The following KIAA1217 variants were observed in gnomAD, a reference collection of about 807,000 sequenced individuals.
KIAA1217 encodes KIAA1217, also known as sickle tail protein homolog.
A neutral mutation model predicts 163.9 loss-of-function variants in KIAA1217; 88 were observed. The ratio of observed to expected loss-of-function variants is 0.54; its 90% confidence interval spans 0.45 to 0.64. The LOEUF (loss-of-function observed/expected upper bound fraction) is 0.64, where lower values mean the gene tolerates loss of function less well. KIAA1217 is among the 30% of genes least tolerant of loss of function. The pLI is 0.00. For synonymous variants in KIAA1217, 903 were observed against 923.1 expected, an observed-to-expected ratio of 0.98 and a Z score of 0.39; for missense variants, 2,372 against 2,475.0, an observed-to-expected ratio of 0.96 and a Z score of 0.88.
chr10:23,992,966 T>C (rs1339592982), intron 1 of KIAA1217, among the ~76,000 whole-genome samples: 3 of 150,658 alleles, frequency 2.0e-5, no homozygotes, highest in Non-Finnish European at 4.4e-5. Context: ...TCTTTGCTTA[T>C]ATGTCATTTA....
At chr10:24,430,258 G>A (rs938824095) in intron 3 of KIAA1217, among the ~76,000 whole-genome samples, 2 of 149,246 alleles carry the variant, frequency 1.3e-5, no homozygotes, top group East Asian at 2.0e-4. Context: ...GCATTCGGTC[G>A]AGGGCATATC....
At chr10:24,009,411 T>C (rs558737167) in intron 2 of KIAA1217, among the ~76,000 whole-genome samples, 9 of 152,036 alleles carry the variant, frequency 5.9e-5, no homozygotes, top group Non-Finnish European at 1.0e-4. Flanking sequence ...AACTAGATAA[T>C]GTATTTGAAA....
At chr10:24,011,753 C>T (rs1262299552) in intron 2 of KIAA1217, among the ~76,000 whole-genome samples, 1 of 152,138 alleles carries the variant, frequency 6.6e-6, no homozygotes. Context: ...CAGTTCTGTT[C>T]TTCAGTAATT....
chr10:23,895,752 A>C (rs1339130452), intron 1 of KIAA1217, among the ~76,000 whole-genome samples: 1 of 152,014 alleles, frequency 6.6e-6, no homozygotes, highest in African/African-American at 2.4e-5. Flanking sequence ...CAAATGTCCA[A>C]CAATGATAGA....
intron 2 of KIAA1217, among the ~76,000 whole-genome samples, chr10:24,171,960 C>G (rs965926515): frequency 6.6e-6 from 1 of 152,142 alleles, no homozygotes; most frequent in African/African-American, 2.4e-5. Context: ...TTCATCCTCA[C>G]AACATCCTCT....
At position 23,993,413 on chromosome 10, in the gene KIAA1217, T is replaced by G. The variant is rs538734428; in HGVS notation, c.-320-13812T>G. Among the ~76,000 whole-genome samples, 50 of 152,190 alleles carry G rather than the reference T, an allele frequency of 3.3e-4. No homozygotes were observed. In the South Asian group the frequency reaches 9.6e-3, roughly 29 times the overall value. ...GACTTTCATGGTCTTCTCTCCTCTC[T>G]TGTTCTAGGCTATTGCTTAGTCCCC... On this transcript the variant is annotated intron_variant, in intron 1 of 18. Transcript: ENST00000376462.
At chr10:24,110,609 A>G (rs546966419) in intron 2 of KIAA1217, among the ~76,000 whole-genome samples, 38 of 152,260 alleles carry the variant, frequency 2.5e-4, no homozygotes, top group Non-Finnish European at 4.7e-4. Context: ...TTAAAAAAAA[A>G]AAAAAAAACT....
At chr10:23,790,579 G>GTACATATGTATATATACATA (rs1564424417) in intron 1 of KIAA1217, among the ~76,000 whole-genome samples, 1 of 112,236 alleles carries the variant, frequency 8.9e-6, no homozygotes, top group African/African-American at 4.5e-5. Flanking sequence ...ATATACATAT[G>GTACATATGTATATATACATA]TATATGTACA....
At chr10:24,172,492 T>C (rs1306914616) in intron 2 of KIAA1217, among the ~76,000 whole-genome samples, 2 of 152,152 alleles carry the variant, frequency 1.3e-5, no homozygotes, top group Admixed American at 1.3e-4. Context: ...CCTAGCTGAG[T>C]TACCTTAGAA....
At chr10:23,896,357 G>A (rs767898474) in intron 1 of KIAA1217, among the ~76,000 whole-genome samples, 5 of 151,926 alleles carry the variant, frequency 3.3e-5, no homozygotes, top group East Asian at 1.9e-4. Context: ...TGGCATTCAC[G>A]CATCACACGC....
chr10:24,160,309 G>A (rs2065063578), intron 2 of KIAA1217, among the ~76,000 whole-genome samples: 1 of 151,608 alleles, frequency 6.6e-6, no homozygotes. Context: ...ATCAATTTAG[G>A]CAAAAATGAT....
At chr10:24,062,537 A>G (rs1164099379) in intron 2 of KIAA1217, among the ~76,000 whole-genome samples, 2 of 150,940 alleles carry the variant, frequency 1.3e-5, no homozygotes, top group Non-Finnish European at 2.9e-5. Context: ...CCAGTCTATC[A>G]TTGTTGGACA....
chr10:24,127,888 T>G (rs758183339), intron 2 of KIAA1217, among the ~76,000 whole-genome samples: 10 of 152,210 alleles, frequency 6.6e-5, no homozygotes, highest in Non-Finnish European at 1.0e-4. Flanking sequence ...AAATTCTCTT[T>G]GGAAGCAACA....
intron 2 of KIAA1217, among the ~76,000 whole-genome samples, chr10:24,015,884 G>T (rs1383990582): frequency 6.6e-6 from 1 of 151,884 alleles, no homozygotes; most frequent in Non-Finnish European, 1.5e-5. Flanking sequence ...ACTGGGATGT[G>T]CCCTCTTCCT....
intron 2 of KIAA1217, among the ~76,000 whole-genome samples, chr10:24,180,414 G>A (rs2066119840): frequency 6.6e-6 from 1 of 151,102 alleles, no homozygotes; most frequent in East Asian, 2.0e-4. Context: ...AGCCTCCTGA[G>A]TATCTGGGAT....
At chr10:23,962,047 G>A (rs1844840289) in intron 1 of KIAA1217, among the ~76,000 whole-genome samples, 1 of 152,210 alleles carries the variant, frequency 6.6e-6, no homozygotes. Flanking sequence ...TGAGATACTG[G>A]AGGTTAGGCT....
In KIAA1217 at chr10:23,837,891, A is replaced by G. The variant is rs534443942; in HGVS notation, c.-321+142657A>G. Among the ~76,000 whole-genome samples the G allele has an allele frequency of 5.3e-5, 8 of 152,154 alleles. No individual in the cohort carries two copies. The South Asian group carries it at 1.7e-3, about 32-fold the overall frequency. ...TAACCACTTCGTCATACTGGCTGTT[A>G]TCTTCTAGATGTTCTCCCTGTATAT... On this transcript the variant is annotated intron_variant, in intron 1 of 18. Coordinates refer to the KIAA1217 transcript ENST00000376462.
At chr10:24,027,353 C>T (rs938028454) in intron 2 of KIAA1217, among the ~76,000 whole-genome samples, 3 of 152,056 alleles carry the variant, frequency 2.0e-5, no homozygotes, top group African/African-American at 4.8e-5. Context: ...CTATATATTG[C>T]GCAATATCTG....
chr10:23,970,753 A>C (rs1845280230), intron 1 of KIAA1217, among the ~76,000 whole-genome samples: 1 of 152,198 alleles, frequency 6.6e-6, no homozygotes, highest in Non-Finnish European at 1.5e-5. Context: ...CTCTCTGCCA[A>C]GGGCATTCTA....
Sources: allele counts gnomAD v4.1 joint callset (sites outside exome capture counted in the v4.1 genomes callset), GRCh38; gene constraint gnomAD v4.1.1; transcripts MANE v1.5; gene names NCBI Gene and HGNC (gene_info 2026-07-23, HGNC 2026-07-21).